Variants in SNX29 observed in about 807,000 individuals in gnomAD.
The protein encoded by SNX29 is sorting nexin 29.
In SNX29, 78 loss-of-function variants were observed where a neutral mutation model predicts 102.1. The observed-to-expected ratio is 0.76, with a 90% CI of 0.64 to 0.92. The LOEUF is 0.92. Among genes scored for constraint, SNX29 ranks in the 40% least tolerant of loss-of-function variants. SNX29 has a pLI of 0.00. For synonymous variants in SNX29, 580 were observed against 414.5 expected (o/e 1.40, Z -4.85); for missense variants, 1,280 against 1,061.7 (o/e 1.21, Z -2.86).
chr16:12,119,300 A>G (rs2053875049), intron 11 of SNX29, among the ~76,000 whole-genome samples: 1 of 152,150 alleles, frequency 6.6e-6, no homozygotes. Flanking sequence ...TGCCTGCCTT[A>G]AGGATTCGTA....
intron 13 of SNX29, among the ~76,000 whole-genome samples, chr16:12,135,334 C>T (rs1224393200): frequency 6.6e-6 from 1 of 152,208 alleles, no homozygotes; most frequent in Non-Finnish European, 1.5e-5. Context: ...GATCTTTGCT[C>T]CTTCCTTTGT....
At chr16:12,323,646 A>T (rs1482564560) in intron 15 of SNX29, among the ~76,000 whole-genome samples, 2 of 152,192 alleles carry the variant, frequency 1.3e-5, no homozygotes, top group African/African-American at 4.8e-5. Context: ...TGTCGTATCC[A>T]GGCACCACAG....
chr16:12,524,972 G>C, intron 20 of SNX29, 131 bp downstream of exon 20: 1 of 1,332,736 alleles, frequency 7.5e-7, no homozygotes, highest in Non-Finnish European at 1.0e-6. Context: ...CGAACTCCAG[G>C]GGCTGTTCCA....
chr16:12,510,063 C>T (rs1340881444), intron 19 of SNX29, among the ~76,000 whole-genome samples: 1 of 152,254 alleles, frequency 6.6e-6, no homozygotes, highest in Non-Finnish European at 1.5e-5. Context: ...AGCCATGTGA[C>T]AGTGCATCCC....
intron 11 of SNX29, among the ~76,000 whole-genome samples, chr16:12,108,724 G>A (rs2053372196): frequency 6.6e-6 from 1 of 152,124 alleles, no homozygotes; most frequent in Admixed American, 6.6e-5. Context: ...CAGTGCAAGG[G>A]TTTGAACCCA....
At chr16:12,145,350 T>G (rs1050103821) in intron 13 of SNX29, among the ~76,000 whole-genome samples, 3 of 152,238 alleles carry the variant, frequency 2.0e-5, no homozygotes, top group African/African-American at 7.2e-5. Flanking sequence ...CACCACTGTT[T>G]GTTGTGTACA....
chr16:12,165,712 C>G (rs535617165), intron 13 of SNX29, among the ~76,000 whole-genome samples: 1 of 152,244 alleles, frequency 6.6e-6, no homozygotes, highest in African/African-American at 2.4e-5. Flanking sequence ...AGGCGCACGC[C>G]GCCACCATGC....
At chr16:12,038,502 C>T (rs954237945) in intron 4 of SNX29, among the ~76,000 whole-genome samples, 34 of 152,284 alleles carry the variant, frequency 2.2e-4, no homozygotes, top group African/African-American at 8.2e-4. Context: ...TGACTTAACC[C>T]CATGTTTCAA....
In SNX29 at chr16:12,573,936, CT is replaced by C; in HGVS notation, c.*5313del. 5 of 200,832 alleles carry C rather than the reference CT, an allele frequency of 2.5e-5. No homozygotes were observed. The highest frequency in any genetic ancestry group is 7.6e-5 in the East Asian group (1 of 13,134). 12.4% of individuals were successfully genotyped at this position (200,832 alleles called of 1,614,324 possible). ...ACACCGACTTCTTAGAGAAGCGAGT[CT>C]TTTTTGAATGGAGGAGCGATGGTAA... On this transcript the variant is annotated 3_prime_UTR_variant, in exon 21 of 21. Coordinates refer to ENST00000566228, the MANE Select transcript of SNX29 (RefSeq NM_032167.5).
rs1555452482 is a variant in SNX29 at position 12,062,419 on chromosome 16, A to AATAT, written c.1243+774_1243+777dup. 1.1e-3 allele frequency among the ~76,000 whole-genome samples: 172 copies of AATAT among 150,470 alleles called. 1 individual carries two copies. Among genetic ancestry groups the AATAT allele is most frequent in the Middle Eastern group, 3.4e-3 (1 of 290 alleles). ...AAATAAATAAATAAATAAATAAATAAATATGTCTCTGGTATGGGTAAGCAT... is the reference window on the plus strand; with the variant it reads ...AAATAAATAAATAAATAAATAAATAAATATATATGTCTCTGGTATGGGTAAGCAT... On this transcript the variant is annotated intron_variant, in intron 9 of 20. Transcript: ENST00000566228.
chr16:12,299,105 AC>A (rs1459059782), intron 15 of SNX29, among the ~76,000 whole-genome samples: 1 of 151,820 alleles, frequency 6.6e-6, no homozygotes. Context: ...TTCGAGACCC[AC>A]CTGGCCAACA....
At chr16:12,563,891 G>C (rs1472179422) in intron 20 of SNX29, among the ~76,000 whole-genome samples, 1 of 152,210 alleles carries the variant, frequency 6.6e-6, no homozygotes, top group African/African-American at 2.4e-5. Flanking sequence ...TTGGGCCTCT[G>C]CCGTCTCTGG....
rs1042349455 is a variant in SNX29, at chr16:12,570,850, G to C, written c.*2221G>C. Reference sequence around the variant, plus strand: ...TATGCTCTCAGCTGGTATTGAACTGGTGGGAGAAACTGCCTCCTACTTTTA... The same window carrying C: ...TATGCTCTCAGCTGGTATTGAACTGCTGGGAGAAACTGCCTCCTACTTTTA... On this transcript the variant is annotated 3_prime_UTR_variant, in exon 21 of 21. Coordinates refer to ENST00000566228, the MANE Select transcript of SNX29 (RefSeq NM_032167.5). 3 of 231,988 alleles carry C rather than the reference G, an allele frequency of 1.3e-5. No individual in the cohort carries two copies. The highest frequency in any genetic ancestry group is 2.6e-5 in the Non-Finnish European group (3 of 117,372). The allele number at this position is 231,988 out of a possible 1,614,324, so 14.4% of individuals were successfully genotyped here. A position where few individuals can be genotyped will look rare whatever the true frequency, so the allele number is the denominator to read the frequency against.
intron 15 of SNX29, among the ~76,000 whole-genome samples, chr16:12,288,197 C>G (rs559835649): frequency 2.3e-4 from 35 of 152,222 alleles, no homozygotes; most frequent in Non-Finnish European, 4.4e-4. Context: ...ACCAAACTGA[C>G]TACTAGCTAA....
chr16:12,282,856 C>T (rs939552776), intron 15 of SNX29, among the ~76,000 whole-genome samples: 16 of 152,136 alleles, frequency 1.1e-4, no homozygotes, highest in Admixed American at 7.9e-4. Context: ...AGGGTTTCAT[C>T]GTGTTGGCCA....
chr16:12,296,110 A>C (rs1346698196), intron 15 of SNX29, among the ~76,000 whole-genome samples: 1 of 152,176 alleles, frequency 6.6e-6, no homozygotes, highest in Non-Finnish European at 1.5e-5. Context: ...TCGGTGGTAA[A>C]AAGCTTTTAA....
chr16:12,149,347 A>G (rs80326170), intron 13 of SNX29, among the ~76,000 whole-genome samples: 2 of 152,182 alleles, frequency 1.3e-5, no homozygotes, highest in Non-Finnish European at 2.9e-5. Context: ...TCTGCTAGGG[A>G]TGCTGAGAAA....
intron 13 of SNX29, among the ~76,000 whole-genome samples, chr16:12,140,544 G>T (rs529808998): frequency 6.6e-6 from 1 of 152,192 alleles, no homozygotes; most frequent in Non-Finnish European, 1.5e-5. Context: ...CATGCGGTGA[G>T]GTGCAGCCTG....
intron 13 of SNX29, among the ~76,000 whole-genome samples, chr16:12,172,693 T>G (rs187973782): frequency 2.0e-5 from 3 of 152,378 alleles, no homozygotes; most frequent in African/African-American, 7.2e-5. Flanking sequence ...AACATGATAT[T>G]ATGATAAACG....
Sources: gnomAD v4.1 joint callset for allele counts (sites outside exome capture counted in the v4.1 genomes callset) on GRCh38, gnomAD v4.1.1 for gene constraint, MANE v1.5 for transcripts, NCBI Gene and HGNC (gene_info 2026-07-23, HGNC 2026-07-21) for gene names.